PKHD1L1: variants seen among roughly 807,000 people sequenced by gnomAD.
PKHD1L1 encodes PKHD1 like 1, also known as fibrocystin-L.
PKHD1L1 carries 434 observed loss-of-function variants against 462.9 expected under a neutral mutation model. The ratio of observed to expected loss-of-function variants is 0.94; its 90% CI spans 0.87 to 1.02. PKHD1L1 has a LOEUF of 1.02. Ranked by LOEUF, PKHD1L1 falls within the 50% of genes least tolerant of loss-of-function variation. The probability of loss-of-function intolerance (pLI) is 0.00; values close to 1 mark genes in which losing one functional copy is unlikely to be tolerated. For missense variants in PKHD1L1, 5,202 were observed against 5,096.1 expected (o/e 1.02, Z -0.63); for synonymous variants, 1,781 against 1,750.0 (o/e 1.02, Z -0.44).
chr8:109,466,454 A>G (rs1439959665), intron 49 of PKHD1L1, 124 bp from the exon 50 acceptor site: 9 of 1,012,068 alleles, frequency 8.9e-6, no homozygotes, highest in Non-Finnish European at 1.2e-5. Context: ...AAGCAAACAA[A>G]CAAAACTACC....
At chr8:109,392,525 ATCCCTTTGTACAAATGTCTTAGAAT>A (rs1296389635) in intron 9 of PKHD1L1, among the ~76,000 whole-genome samples, 3 of 152,044 alleles carry the variant, frequency 2.0e-5, no homozygotes, top group Admixed American at 2.0e-4. Flanking sequence ...GCCAACAGCT[ATCCCTTTGTACAAATGTCTTAGAAT>A]TGAGGAAATT....
chr8:109,410,648 A>C (rs975536707), intron 19 of PKHD1L1, among the ~76,000 whole-genome samples: 11 of 151,778 alleles, frequency 7.2e-5, no homozygotes, highest in African/African-American at 2.7e-4. Context: ...TTACAATTCA[A>C]CATGCGATTT....
Position 109,489,954 on chromosome 8 carries a change from A to T in PKHD1L1, c.9883A>T (p.Asn3295Tyr), listed in dbSNP as rs768614969. 6.3e-7 allele frequency: 1 copy of T among 1,583,284 alleles called. No individual in the cohort carries two copies. The change falls in exon 60 of 78, where the codon AAT (asparagine) becomes TAT (tyrosine). Residue 3295 changes from asparagine to tyrosine, a missense_variant and splice_region_variant. Physicochemically the swap from Asn to Tyr is moderately radical, Grantham distance 143. Around this residue, in one of 3 missense-constraint regions of PKHD1L1, gnomAD observed 4,497 missense variants for 4,336.8 expected, o/e 1.04. Coordinates refer to ENST00000378402, the MANE Select transcript of PKHD1L1 (RefSeq NM_177531.6). ...FTENMMTFKG[N>Y]ARISNVEFYH... ...TTTTAAATCTTTCCCTACCTTAGGA[A>T]ATGCAAGAATAAGTAATGTGGAATT... is the stretch of plus-strand genomic sequence containing the variant.
intron 61 of PKHD1L1, 86 bp from the exon 62 acceptor site, chr8:109,491,787 A>C: frequency 8.1e-7 from 1 of 1,228,306 alleles, no homozygotes; most frequent in South Asian, 1.9e-5. Context: ...TTTATGGAAA[A>C]ATCAAAAGAC....
chr8:109,510,344 A>G (rs1187045989), intron 70 of PKHD1L1, among the ~76,000 whole-genome samples: 1 of 151,618 alleles, frequency 6.6e-6, no homozygotes, highest in Non-Finnish European at 1.5e-5. Context: ...TTTCCTAACA[A>G]AGAGCCTGAG....
At chr8:109,403,684 T>C (rs565476080) in intron 14 of PKHD1L1, among the ~76,000 whole-genome samples, 36 of 152,246 alleles carry the variant, frequency 2.4e-4, no homozygotes, top group African/African-American at 6.0e-4. Flanking sequence ...ATCAGTTCCA[T>C]TGGGCAATGA....
rs371462809 is a variant in PKHD1L1, at chr8:109,481,565, G to A, written c.9457+3G>A. ...AAATCAAGGGGCAAAGGTCTTAGGT[G>A]TGTGTCTACAGATACCAAAAGTGTC... is the stretch of plus-strand genomic sequence containing the variant. On this transcript the variant is annotated splice_donor_region_variant and intron_variant, in intron 56 of 77. Coordinates refer to ENST00000378402, the MANE Select transcript of PKHD1L1 (RefSeq NM_177531.6). The A allele has an allele frequency of 3.2e-6, 5 of 1,577,034 alleles. No homozygotes were observed. Among genetic ancestry groups the A allele is most frequent in the African/African-American group, 2.7e-5 (2 of 73,636 alleles).
chr8:109,468,858 G>A (rs1185792238), intron 50 of PKHD1L1, among the ~76,000 whole-genome samples: 1 of 152,090 alleles, frequency 6.6e-6, no homozygotes, highest in African/African-American at 2.4e-5. Flanking sequence ...TGGGGCTTTT[G>A]GTCTGTGAAT....
intron 2 of PKHD1L1, among the ~76,000 whole-genome samples, chr8:109,370,302 G>A (rs1348780090): frequency 2.0e-5 from 3 of 151,800 alleles, no homozygotes; most frequent in Non-Finnish European, 4.4e-5. Context: ...TTTTAGTAGA[G>A]ACAGTTTCAC....
intron 57 of PKHD1L1, among the ~76,000 whole-genome samples, chr8:109,484,629 G>A (rs1014639238): frequency 1.7e-4 from 26 of 151,682 alleles, no homozygotes; most frequent in Admixed American, 6.6e-4. Context: ...AACTTTCCTC[G>A]GGCTTTTCTG....
Position 109,476,650 on chromosome 8 carries a change from GTACTCTATAT to G in PKHD1L1, c.8905_8914del (p.Leu2969TrpfsTer22). ...GACTGGCACCTTGAAGCAAACACTAGTACTCTATATTACTTGGGTATGTGTCATTAGGCAG... is the reference window on the plus strand; with the variant it reads ...GACTGGCACCTTGAAGCAAACACTAGTACTTGGGTATGTGTCATTAGGCAG... On this transcript the variant is annotated frameshift_variant, in exon 52 of 78. Transcript: ENST00000378402. LOFTEE classifies it high-confidence loss of function. 1 of 1,598,698 alleles carries G rather than the reference GTACTCTATAT, an allele frequency of 6.3e-7. No individual in the cohort carries two copies. The highest frequency in any genetic ancestry group is 1.1e-5 in the South Asian group (1 of 88,304).
rs1291563123 is a variant in PKHD1L1 at position 109,371,557 on chromosome 8, T to C, written c.163+6921T>C. ...GCTTTTGTTGCCATTGCTTTTGGTGTTTTAGACATGAAGTCCTTGCCCATG... is the reference window on the plus strand; with the variant it reads ...GCTTTTGTTGCCATTGCTTTTGGTGCTTTAGACATGAAGTCCTTGCCCATG... On this transcript the variant is annotated intron_variant, in intron 2 of 77. Transcript: ENST00000378402. Among the ~76,000 whole-genome samples the C allele has an allele frequency of 2.0e-5, 3 of 149,058 alleles. No homozygotes were observed. The East Asian group carries it at 5.9e-4, about 29-fold the overall frequency.
Position 109,454,754 on chromosome 8 carries a change from A to G in PKHD1L1, c.6776A>G (p.Lys2259Arg). The change falls in exon 45 of 78, where the codon AAG (lysine) becomes AGG (arginine). Residue 2259 changes from lysine (K) to arginine (R), a missense_variant. Lys to Arg is a conservative substitution (Grantham distance 26, BLOSUM62 2). Coordinates refer to ENST00000378402, the MANE Select transcript of PKHD1L1 (RefSeq NM_177531.6). ...IGTETSPFQH[K>R]AVITLHGHLR... ...ACAGAGACATCCCCATTCCAACACA[A>G]GGCTGTCATTACCTTGCATGGTCAC... The G allele has an allele frequency of 6.2e-7, 1 of 1,613,746 alleles. No homozygotes were observed. The highest frequency in any genetic ancestry group is 8.5e-7 in the Non-Finnish European group (1 of 1,179,758).
At chr8:109,399,938 T>G in intron 12 of PKHD1L1, 138 bp from the exon 13 acceptor site, 1 of 846,918 alleles carries the variant, frequency 1.2e-6, no homozygotes, top group Admixed American at 3.0e-5. Context: ...TGTAGGGGAA[T>G]GTGTAATTGT....
intron 67 of PKHD1L1, among the ~76,000 whole-genome samples, chr8:109,502,455 C>A (rs1819471318): frequency 6.6e-6 from 1 of 152,186 alleles, no homozygotes; most frequent in South Asian, 2.1e-4. Flanking sequence ...CCAGAGCATT[C>A]AGCACATTCT....
intron 46 of PKHD1L1, among the ~76,000 whole-genome samples, chr8:109,457,048 C>T (rs1036191840): frequency 6.6e-6 from 1 of 152,012 alleles, no homozygotes; most frequent in Non-Finnish European, 1.5e-5. Context: ...CATAACACCA[C>T]CAAGTATCAC....
chr8:109,404,931 T>C, intron 15 of PKHD1L1, 64 bp from the exon 16 acceptor site: 1 of 1,215,264 alleles, frequency 8.2e-7, no homozygotes. Flanking sequence ...AATAGCTGAA[T>C]TATGATGCTT....
chr8:109,411,403 G>T (rs1478416776), intron 19 of PKHD1L1, among the ~76,000 whole-genome samples: 2 of 152,074 alleles, frequency 1.3e-5, no homozygotes, highest in Non-Finnish European at 2.9e-5. Context: ...TATCTCTCAT[G>T]ATACTTTTCA....
rs559138393 is a variant in PKHD1L1 at position 109,417,080 on chromosome 8, G to C, written c.2361-2017G>C. Among the ~76,000 whole-genome samples, 289 of 152,206 alleles carry C rather than the reference G, an allele frequency of 1.9e-3. 1 individual carries two copies. The highest frequency in any genetic ancestry group is 6.8e-3 in the African/African-American group (282 of 41,534). ...TTTGGGATGGCTGAAGGGATGTGGG[G>C]ATGGTTAATGGGTACAAAAAATAGC... On this transcript the variant is annotated intron_variant, in intron 21 of 77. Coordinates refer to ENST00000378402, the MANE Select transcript of PKHD1L1 (RefSeq NM_177531.6).
Sources: gnomAD v4.1 joint callset for allele counts (sites outside exome capture counted in the v4.1 genomes callset) on GRCh38, gnomAD v4.1.1 for gene constraint, gnomAD v4.1.1 regional missense constraint, MANE v1.5 for transcripts, NCBI Gene and HGNC (gene_info 2026-07-23, HGNC 2026-07-21) for gene names.